PHKA2: variants seen among roughly 807,000 people sequenced by gnomAD.
The protein encoded by PHKA2 is phosphorylase kinase regulatory subunit alpha 2.
PHKA2 carries 31 observed loss-of-function variants against 102.0 expected under a neutral mutation model. The observed-to-expected ratio is 0.30, with a 90% CI of 0.23 to 0.41. The LOEUF (loss-of-function observed/expected upper bound fraction) is 0.41. PHKA2 is among the 10% of genes least tolerant of loss of function. The pLI is 1.00. For missense variants in PHKA2, 858 were observed against 1,023.1 expected (o/e 0.84, Z 2.20); for synonymous variants, 455 against 416.2 (o/e 1.09, Z -1.13).
chrX:18,931,789 T>C, intron 11 of PHKA2, 41 bp from the exon 12 acceptor site: 4 of 916,153 alleles, frequency 4.4e-6, no homozygotes, highest in South Asian at 3.9e-5. Flanking sequence ...AGTCAGAGGA[T>C]AAAATGGCCA....
chrX:18,954,060 A>C lies in PHKA2; in HGVS notation c.237+194T>G, dbSNP rs1036576036. Among the ~76,000 whole-genome samples the C allele has an allele frequency of 6.3e-5, 7 of 111,621 alleles. No homozygotes were observed. The Admixed American group carries it at 6.7e-4, about 11-fold the overall frequency. ...GGATGTTGTCATTGTTTTATGTGGG[A>C]ATCTCCAAACTCAAACAGAAAGACC... is the stretch of plus-strand genomic sequence containing the variant. On this transcript the variant is annotated intron_variant, in intron 2 of 32. Coordinates refer to ENST00000379942, the MANE Select transcript of PHKA2 (RefSeq NM_000292.3).
At chrX:18,907,135 A>C in intron 22 of PHKA2, 38 bp from the exon 23 acceptor site, 1 of 1,007,904 alleles carries the variant, frequency 9.9e-7, no homozygotes. Context: ...GCAGAGCGCG[A>C]GAGAGATACT....
chrX:18,901,310 C>T (rs750785767), intron 27 of PHKA2, among the ~76,000 whole-genome samples, 175 bp downstream of exon 27: 7 of 110,767 alleles, frequency 6.3e-5, no homozygotes, highest in African/African-American at 9.9e-5. Context: ...TGCGCATGAC[C>T]GGCTCTGGAA....
intron 29 of PHKA2, chrX:18,897,610 G>A (rs2047596667): frequency 2.8e-6 from 1 of 363,429 alleles, no homozygotes; most frequent in African/African-American, 2.6e-5. Flanking sequence ...AGGCCGAACA[G>A]GGCGAGCACG....
chrX:18,918,734 G>A lies in PHKA2; in HGVS notation c.2084C>T (p.Ser695Phe), dbSNP rs767559014. The change falls in exon 19 of 33, where the codon TCC becomes TTC. Residue 695 changes from serine (S) to phenylalanine (F), a missense_variant. This residue lies in a region of PHKA2 where 671 missense variants were observed against 745.2 expected (regional missense o/e 0.90). Transcript: ENST00000379942. ...CATCACAGAAAGTATGTCCCGCGTG[G>A]AGTGGATAGCACTGAAGACATGGCG... Reference protein sequence around the residue: ...EDRHVFSAIHSTRDILSVMAK... With the variant: ...EDRHVFSAIHFTRDILSVMAK... 1.5e-5 allele frequency: 18 copies of A among 1,208,760 alleles called. No individual in the cohort carries two copies. The highest frequency in any genetic ancestry group is 2.0e-5 in the Non-Finnish European group (18 of 893,846).
chrX:18,929,353 A>G lies in PHKA2; in HGVS notation c.1246-47T>C, dbSNP rs780019881. The G allele has an allele frequency of 3.5e-6, 3 of 852,228 alleles. No individual in the cohort carries two copies. In the South Asian group the frequency reaches 6.6e-5, roughly 19 times the overall value. The allele number at this position is 852,228 out of a possible 1,213,427, so 70.2% of individuals were successfully genotyped here. On this transcript the variant is annotated intron_variant, in intron 12 of 32. Transcript: ENST00000379942. ...CACTATGAAATATTGATTAACTAAA[A>G]TTTCATCTTAAACTGAAGTGTGAAA...
Position 18,948,836 on chromosome X carries a change from A to G in PHKA2, c.455-10T>C, listed in dbSNP as rs951306454. On this transcript the variant is annotated splice_polypyrimidine_tract_variant and intron_variant, in intron 4 of 32. Coordinates refer to ENST00000379942, the MANE Select transcript of PHKA2 (RefSeq NM_000292.3). ...AAAATGATACGTAAGCCTAGCAAAG[A>G]AAAACAATGAGGTTATGAAGCCATG... 13 of 1,113,867 alleles carry G rather than the reference A, an allele frequency of 1.2e-5. No homozygotes were observed. The highest frequency in any genetic ancestry group is 3.0e-5 in the East Asian group (1 of 32,911). The allele number at this position is 1,113,867 out of a possible 1,213,427, so 91.8% of individuals were successfully genotyped here.
At chrX:18,898,340 A>G (rs2047613112) in intron 29 of PHKA2, among the ~76,000 whole-genome samples, 1 of 112,783 alleles carries the variant, frequency 8.9e-6, no homozygotes, top group African/African-American at 3.2e-5. Flanking sequence ...GTGGGGGCGC[A>G]TCCCCTCCCT....
intron 15 of PHKA2, 21 bp from the exon 16 acceptor site, chrX:18,924,546 G>T (rs377144794): frequency 3.3e-6 from 4 of 1,204,020 alleles, no homozygotes; most frequent in Admixed American, 2.2e-5. Context: ...GAGGAGGCTG[G>T]GTAAACGGCC....
At chrX:18,954,797 G>A (rs939198626) in intron 1 of PHKA2, among the ~76,000 whole-genome samples, 4 of 112,327 alleles carry the variant, frequency 3.6e-5, no homozygotes, top group African/African-American at 6.5e-5. Flanking sequence ...TCATGTGTCC[G>A]CACTAATAGG....
rs373845304 is a variant in PHKA2 at position 18,897,184 on chromosome X, C to T, written c.3261G>A (p.Arg1087=). ...TTACCTTCTGGAGGATCTTCCACACCCTCTGGTAGAATCCCACGGGGACCC... is the reference window on the plus strand; with the variant it reads ...TTACCTTCTGGAGGATCTTCCACACTCTCTGGTAGAATCCCACGGGGACCC... The part of the protein sequence containing the change: ...INRVPVGFYQ[R]VWKILQKCHG... Residue 1087 remains arginine (R), a synonymous_variant, in exon 30 of 33, where the codon AGG becomes AGA. Transcript: ENST00000379942. 3 of 1,209,978 alleles carry T rather than the reference C, an allele frequency of 2.5e-6. No individual in the cohort carries two copies. In the African/African-American group the frequency reaches 5.2e-5, roughly 21 times the overall value.
intron 18 of PHKA2, among the ~76,000 whole-genome samples, 181 bp downstream of exon 18, chrX:18,919,851 C>T (rs1284962416): frequency 9.0e-6 from 1 of 110,844 alleles, no homozygotes; most frequent in African/African-American, 3.3e-5. Context: ...TTTGCAGTTT[C>T]GGTTTTTAAA....
chrX:18,920,396 C>T (rs961302578), intron 17 of PHKA2, among the ~76,000 whole-genome samples, 195 bp from the exon 18 acceptor site: 1 of 112,168 alleles, frequency 8.9e-6, no homozygotes. Flanking sequence ...GAAGTGAACG[C>T]GCACAGCATA....
chrX:18,931,245 C>T (rs1258920486), intron 12 of PHKA2, among the ~76,000 whole-genome samples: 1 of 111,956 alleles, frequency 8.9e-6, no homozygotes. Flanking sequence ...CCTTGTGCTT[C>T]CTGCTCCTAA....
intron 19 of PHKA2, 100 bp downstream of exon 19, chrX:18,918,581 T>G: frequency 1.2e-6 from 1 of 831,935 alleles, no homozygotes; most frequent in Non-Finnish European, 1.8e-6. Flanking sequence ...GTGGGGGGCA[T>G]TTTGTTGTCT....
At chrX:18,896,453 C>G (rs978005852) in intron 30 of PHKA2, 5 of 113,574 alleles carry the variant, frequency 4.4e-5, no homozygotes, top group Admixed American at 9.1e-5. Flanking sequence ...GGAAGCGCAA[C>G]AGCCGGCTGG....
rs748256855 is a variant in PHKA2 at position 18,925,801 on chromosome X, T to C, written c.1460-24A>G. Reference sequence around the variant, plus strand: ...TCCTGTTTGAGAAGTAAAAGATAAATTGGAGTTAGAGGAAATACGGTTAAC... The same window carrying C: ...TCCTGTTTGAGAAGTAAAAGATAAACTGGAGTTAGAGGAAATACGGTTAAC... On this transcript the variant is annotated intron_variant, in intron 14 of 32. Coordinates refer to ENST00000379942, the MANE Select transcript of PHKA2 (RefSeq NM_000292.3). 8.4e-5 allele frequency: 85 copies of C among 1,016,380 alleles called. 1 individual carries two copies. In the Admixed American group the frequency reaches 1.7e-3, roughly 20 times the overall value. The allele number at this position is 1,016,380 out of a possible 1,213,427, so 83.8% of individuals were successfully genotyped here.
chrX:18,919,128 G>A (rs1003141267), intron 18 of PHKA2, among the ~76,000 whole-genome samples: 1 of 111,816 alleles, frequency 8.9e-6, no homozygotes, highest in East Asian at 2.8e-4. Flanking sequence ...CTCCCAAGAT[G>A]AACTGAATAA....
In PHKA2 at chrX:18,925,658, C is replaced by G; in HGVS notation, c.1569+10G>C. On this transcript the variant is annotated intron_variant, in intron 15 of 32. Coordinates refer to ENST00000379942, the MANE Select transcript of PHKA2 (RefSeq NM_000292.3). ...TAAAAAAAAGATGCTCGTTGGCCTG[C>G]TCTCCTCACCTGGGGTGTAAAAGTA... 9.8e-7 allele frequency: 1 copy of G among 1,016,114 alleles called. No homozygotes were observed. Among genetic ancestry groups the G allele is most frequent in the African/African-American group, 1.8e-5 (1 of 54,098 alleles). The allele number at this position is 1,016,114 out of a possible 1,213,427, so 83.7% of individuals were successfully genotyped here.
Sources: allele counts gnomAD v4.1 joint callset (sites outside exome capture counted in the v4.1 genomes callset), GRCh38; gene constraint gnomAD v4.1.1; regional missense constraint gnomAD v4.1.1; transcripts MANE v1.5; gene names NCBI Gene and HGNC (gene_info 2026-07-23, HGNC 2026-07-21).